Variants in TENM2 observed in about 807,000 individuals in gnomAD.
TENM2 encodes teneurin transmembrane protein 2, also known as teneurin-2.
Under a neutral mutation model 245.2 loss-of-function variants are expected in TENM2, and 52 were observed. That is an observed-to-expected ratio of 0.21 (90% CI 0.17 to 0.27). The LOEUF (loss-of-function observed/expected upper bound fraction) is 0.27. Among genes scored for constraint, TENM2 ranks in the 10% least tolerant of loss-of-function variants. The pLI is 1.00. For missense variants in TENM2, 3,046 were observed against 3,666.8 expected (o/e 0.83, Z 4.37); for synonymous variants, 1,363 against 1,438.9 (o/e 0.95, Z 1.19).
At chr5:167,445,337 A>ATATATATATATG (rs1491215308) in intron 2 of TENM2, among the ~76,000 whole-genome samples, 6 of 76,638 alleles carry the variant, frequency 7.8e-5, no homozygotes, top group African/African-American at 3.1e-4. Flanking sequence ...ATATATATAT[A>ATATATATATATG]GAGAGAGAGA....
intron 5 of TENM2, among the ~76,000 whole-genome samples, chr5:168,043,777 GC>G (rs779214400): frequency 3.9e-5 from 6 of 152,286 alleles, no homozygotes; most frequent in Non-Finnish European, 5.9e-5. Context: ...ACCCAGAATG[GC>G]TATGTGATAA....
the TENM2 span, among the ~76,000 whole-genome samples, chr5:167,060,024 A>G: frequency 6.6e-6 from 1 of 152,292 alleles, no homozygotes; most frequent in East Asian, 1.9e-4. Context: ...ATTTCTATAT[A>G]GAATTTCAAC....
chr5:167,018,473 G>A, the TENM2 span, among the ~76,000 whole-genome samples: 1 of 151,388 alleles, frequency 6.6e-6, no homozygotes, highest in Non-Finnish European at 1.5e-5. Flanking sequence ...ACTGACTGAA[G>A]AAAGTAATGA....
chr5:167,191,146 T>TC, the TENM2 span, among the ~76,000 whole-genome samples: 1 of 151,990 alleles, frequency 6.6e-6, no homozygotes, highest in East Asian at 1.9e-4. Flanking sequence ...TATAAAAAAT[T>TC]CAACAAGTTA....
At chr5:168,259,156 G>A (rs979387935) in intron 27 of TENM2, among the ~76,000 whole-genome samples, 1 of 152,112 alleles carries the variant, frequency 6.6e-6, no homozygotes, top group Non-Finnish European at 1.5e-5. Flanking sequence ...CTTTTTCTAA[G>A]GACCTAGACC....
chr5:168,210,173 C>CTA (rs1344493572), intron 19 of TENM2, among the ~76,000 whole-genome samples: 7 of 152,136 alleles, frequency 4.6e-5, no homozygotes, highest in Non-Finnish European at 1.0e-4. Flanking sequence ...CTGCTAAGCA[C>CTA]CCAGCCTGCT....
intron 25 of TENM2, among the ~76,000 whole-genome samples, chr5:168,233,047 G>A (rs1482423861): frequency 2.0e-5 from 3 of 152,182 alleles, no homozygotes; most frequent in African/African-American, 7.2e-5. Flanking sequence ...CATGAAGCAG[G>A]CCGGGCGTGG....
At chr5:167,297,171 T>C (rs528231759) in intron 1 of TENM2, among the ~76,000 whole-genome samples, 1 of 152,380 alleles carries the variant, frequency 6.6e-6, no homozygotes, top group Non-Finnish European at 1.5e-5. Context: ...GACCTCATAC[T>C]TAGCATAGTG....
At chr5:167,901,840 A>C (rs2151520362) in intron 3 of TENM2, among the ~76,000 whole-genome samples, 1 of 152,326 alleles carries the variant, frequency 6.6e-6, no homozygotes, top group East Asian at 1.9e-4. Flanking sequence ...CTCTTTATAT[A>C]AGAATTTATT....
chr5:168,199,253 AC>A lies in TENM2; in HGVS notation c.3162+141del, dbSNP rs1466250195. 3.3e-6 allele frequency: 3 copies of A among 920,582 alleles called. No homozygotes were observed. The African/African-American group carries it at 5.1e-5, about 15-fold the overall frequency. 57.0% of individuals were successfully genotyped at this position (920,582 alleles called of 1,614,324 possible). On this transcript the variant is annotated intron_variant, in intron 16 of 28. Transcript: ENST00000518659. ...TGGGAGCATAATAAAATTTATAGCC[AC>A]CAGAGATGAAAGTTTGAATCCCTCT...
the TENM2 span, among the ~76,000 whole-genome samples, chr5:167,121,794 A>G: frequency 6.6e-6 from 1 of 152,214 alleles, no homozygotes; most frequent in Non-Finnish European, 1.5e-5. Flanking sequence ...TTTCCTCTGT[A>G]TAGATTAGAG....
intron 5 of TENM2, among the ~76,000 whole-genome samples, chr5:168,043,368 C>T (rs956289736): frequency 6.6e-6 from 1 of 152,026 alleles, no homozygotes; most frequent in African/African-American, 2.4e-5. Flanking sequence ...GGATTATAGG[C>T]GTGAGCCACC....
chr5:167,110,868 C>A, the TENM2 span, among the ~76,000 whole-genome samples: 1 of 152,110 alleles, frequency 6.6e-6, no homozygotes, highest in East Asian at 1.9e-4. Flanking sequence ...ACTCATTTTT[C>A]AGTATTTGAG....
chr5:167,562,449 C>T (rs900571365), intron 2 of TENM2, among the ~76,000 whole-genome samples: 3 of 152,046 alleles, frequency 2.0e-5, no homozygotes, highest in Admixed American at 2.0e-4. Flanking sequence ...ATAAGATTTG[C>T]ACAAAGATTG....
intron 2 of TENM2, among the ~76,000 whole-genome samples, chr5:167,621,936 T>G (rs1778203264): frequency 6.6e-6 from 1 of 152,206 alleles, no homozygotes; most frequent in South Asian, 2.1e-4. Flanking sequence ...TCATTTTTAC[T>G]TCTCACAAGA....
At chr5:167,394,957 T>A (rs1316042060) in intron 2 of TENM2, among the ~76,000 whole-genome samples, 1 of 152,178 alleles carries the variant, frequency 6.6e-6, no homozygotes, top group African/African-American at 2.4e-5. Flanking sequence ...TTCTCAAGAT[T>A]GCTTTGGCTT....
At chr5:167,925,922 C>T (rs983352767) in intron 3 of TENM2, among the ~76,000 whole-genome samples, 4 of 152,024 alleles carry the variant, frequency 2.6e-5, no homozygotes, top group African/African-American at 9.7e-5. Context: ...ATGAACACAA[C>T]GAAGGAAACA....
chr5:167,594,891 GGAAGT>G (rs1418917694), intron 2 of TENM2, among the ~76,000 whole-genome samples: 4 of 152,174 alleles, frequency 2.6e-5, no homozygotes, highest in African/African-American at 7.2e-5. Flanking sequence ...ACACAGATTA[GGAAGT>G]GAAAGGTTGA....
chr5:168,175,666 C>G (rs967430564), intron 13 of TENM2, among the ~76,000 whole-genome samples: 1 of 152,174 alleles, frequency 6.6e-6, no homozygotes, highest in Admixed American at 6.5e-5. Context: ...TCTCTCAGAC[C>G]CTTTTTCTGA....
Sources: allele counts gnomAD v4.1 joint callset (sites outside exome capture counted in the v4.1 genomes callset), GRCh38; gene constraint gnomAD v4.1.1; transcripts MANE v1.5; gene names NCBI Gene and HGNC (gene_info 2026-07-23, HGNC 2026-07-21).